The following TMEM132A variants were observed in gnomAD, a reference collection of about 807,000 sequenced individuals.
The protein encoded by TMEM132A is transmembrane protein 132A.
A neutral mutation model predicts 69.9 loss-of-function variants in TMEM132A; 48 were observed. The observed-to-expected ratio is 0.69, with a 90% CI of 0.55 to 0.87. TMEM132A has a LOEUF of 0.87. Among genes scored for constraint, TMEM132A ranks in the 40% least tolerant of loss-of-function variants. The pLI is 0.00. For missense variants in TMEM132A, 1,287 were observed against 1,407.2 expected, an observed-to-expected ratio of 0.91 and a Z score of 1.37; for synonymous variants, 577 against 613.7, an observed-to-expected ratio of 0.94 and a Z score of 0.88.
In TMEM132A at chr11:60,936,342, T is replaced by C. The variant is rs769069898; in HGVS notation, c.2507T>C (p.Met836Thr). ...REEEEEEEEE[M>T]VPAPQHVTEL... ...GAGGAGGAGGAAGAGGAGGAGGAGA[T>C]GGTCCCTGCCCCTCAGCATGTCACT... is the stretch of plus-strand genomic sequence containing the variant. Residue 836 changes from methionine to threonine, a missense_variant, in exon 11 of 11, where the codon ATG (methionine) becomes ACG (threonine). By Grantham distance (81) the Met-to-Thr change is moderately conservative (BLOSUM62 -1). Coordinates refer to ENST00000453848, the MANE Select transcript of TMEM132A (RefSeq NM_178031.3). The C allele has an allele frequency of 6.2e-6, 10 of 1,614,054 alleles. No individual in the cohort carries two copies. Among genetic ancestry groups the C allele is most frequent in the Middle Eastern group, 3.3e-4 (2 of 6,060 alleles).
rs949479943 is a variant in TMEM132A at position 60,935,128 on chromosome 11, C to T, written c.1837-124C>T. Reference sequence around the variant, plus strand: ...CGGTTCCCTCTGGGTGGGGGCTGTCCGTGGCGAAGACCTCCCCCACCTCCG... The same window carrying T: ...CGGTTCCCTCTGGGTGGGGGCTGTCTGTGGCGAAGACCTCCCCCACCTCCG... On this transcript the variant is annotated intron_variant, in intron 9 of 10. Transcript: ENST00000453848. This position sits in a 1 kb window ranked among gnomAD's most constrained non-coding sequence, Gnocchi z 5.0. 1.4e-5 allele frequency: 12 copies of T among 876,392 alleles called. 1 individual carries two copies. The highest frequency in any genetic ancestry group is 6.8e-5 in the African/African-American group (4 of 59,000). The allele number at this position is 876,392 out of a possible 1,614,324, so 54.3% of individuals were successfully genotyped here.
Position 60,933,709 on chromosome 11 carries a change from G to A in TMEM132A, c.1524G>A (p.Gln508=), listed in dbSNP as rs1173880829. The A allele has an allele frequency of 6.3e-7, 1 of 1,595,910 alleles. No individual in the cohort carries two copies. Among genetic ancestry groups the A allele is most frequent in the Non-Finnish European group, 8.5e-7 (1 of 1,172,896 alleles). ...RIELTDTTLE[Q]VRGWRVPGPA... Reference sequence around the variant, plus strand: ...AGCTCACCGACACCACCCTCGAGCAGGTCCGCGGCTGGAGGGTACCTGGCC... The same window carrying A: ...AGCTCACCGACACCACCCTCGAGCAAGTCCGCGGCTGGAGGGTACCTGGCC... Residue 508 remains glutamine, a synonymous_variant, in exon 8 of 11, where the codon CAG becomes CAA. Coordinates refer to ENST00000453848, the MANE Select transcript of TMEM132A (RefSeq NM_178031.3).
At chr11:60,928,093 A>C (rs886685364) in intron 3 of TMEM132A, among the ~76,000 whole-genome samples, 1 of 152,238 alleles carries the variant, frequency 6.6e-6, no homozygotes, top group African/African-American at 2.4e-5. Context: ...TCTGAGATTC[A>C]GTTTCCTCAT....
chr11:60,936,805 T>C lies in TMEM132A; in HGVS notation c.2970T>C (p.Leu990=). The C allele has an allele frequency of 6.2e-7, 1 of 1,613,334 alleles. No homozygotes were observed. The highest frequency in any genetic ancestry group is 8.5e-7 in the Non-Finnish European group (1 of 1,179,664). ...PVGAPAVQSI[L]VAGEEDIRWV... ...GGGCCCCTGCTGTGCAGTCCATCCT[T>C]GTGGCAGGCGAGGAGGACATCCGCT... is the stretch of plus-strand genomic sequence containing the variant. The change falls in exon 11 of 11, where the codon CTT becomes CTC. Residue 990 remains leucine (L), a synonymous_variant. Coordinates refer to ENST00000453848, the MANE Select transcript of TMEM132A (RefSeq NM_178031.3).
chr11:60,928,094 G>A (rs1856393632), intron 3 of TMEM132A, among the ~76,000 whole-genome samples: 1 of 152,208 alleles, frequency 6.6e-6, no homozygotes, highest in Non-Finnish European at 1.5e-5. Context: ...CTGAGATTCA[G>A]TTTCCTCATC....
At chr11:60,930,052 T>C (rs1449624588) in intron 4 of TMEM132A, among the ~76,000 whole-genome samples, 1 of 152,128 alleles carries the variant, frequency 6.6e-6, no homozygotes, top group Admixed American at 6.5e-5. Context: ...TGGAAAAGCT[T>C]TCTAAAGGAA....
rs1307663513 is a variant in TMEM132A at position 60,936,821 on chromosome 11, G to A, written c.2986G>A (p.Asp996Asn). The change falls in exon 11 of 11, where the codon GAC becomes AAC. Residue 996 changes from aspartate to asparagine, a missense_variant. Physicochemically the swap from Asp to Asn is conservative, Grantham distance 23. Transcript: ENST00000453848. ...VQSILVAGEEDIRWVCEDMGL... is the reference protein window; with the variant it reads ...VQSILVAGEENIRWVCEDMGL... ...GTCCATCCTTGTGGCAGGCGAGGAG[G>A]ACATCCGCTGGGTGTGTGAGGACAT... is the stretch of plus-strand genomic sequence containing the variant. 1 of 1,612,948 alleles carries A rather than the reference G, an allele frequency of 6.2e-7. No individual in the cohort carries two copies. The highest frequency in any genetic ancestry group is 1.7e-5 in the Admixed American group (1 of 59,780).
Position 60,924,733 on chromosome 11 carries a change from G to T in TMEM132A, c.100G>T (p.Val34Leu). 1 of 1,561,260 alleles carries T rather than the reference G, an allele frequency of 6.4e-7. No individual in the cohort carries two copies. Among genetic ancestry groups the T allele is most frequent in the Non-Finnish European group, 8.6e-7 (1 of 1,161,398 alleles). Reference protein sequence around the residue: ...LVALALDVVRVDCGQAPLDPV... With the variant: ...LVALALDVVRLDCGQAPLDPV... ...GGCCCTCGCCCTGGACGTCGTGAGA[G>T]GTCAGCGGGAGGGGAGGGCCGGGGC... The change falls in exon 1 of 11, where the codon GTG becomes TTG. Residue 34 changes from valine (V) to leucine (L), a missense_variant and splice_region_variant. Val to Leu is a conservative substitution (Grantham distance 32). Coordinates refer to ENST00000453848, the MANE Select transcript of TMEM132A (RefSeq NM_178031.3).
intron 7 of TMEM132A, 22 bp from the exon 8 acceptor site, chr11:60,933,520 C>A (rs897463091): frequency 2.1e-5 from 33 of 1,597,054 alleles, no homozygotes; most frequent in South Asian, 1.1e-4. Context: ...AGCCCGCCCA[C>A]CTGCCCTCTG....
rs761902925 is a variant in TMEM132A, at chr11:60,928,767, A to G, written c.673A>G (p.Asn225Asp). 13 of 1,609,058 alleles carry G rather than the reference A, an allele frequency of 8.1e-6. No individual in the cohort carries two copies. Among genetic ancestry groups the G allele is most frequent in the Non-Finnish European group, 1.1e-5 (13 of 1,178,354 alleles). The change falls in exon 4 of 11, where the codon AAC becomes GAC. Residue 225 changes from asparagine (N) to aspartate (D), a missense_variant. By Grantham distance (23) the Asn-to-Asp change is conservative (BLOSUM62 1). Transcript: ENST00000453848. ...TGGGGGCTGTGGCTCCGGCGAGGAG[A>G]ACGACCCTGGGGAGCAGGCCCTCCC... ...GPGGCGSGEENDPGEQALPVG... is the reference protein window; with the variant it reads ...GPGGCGSGEEDDPGEQALPVG...
intron 1 of TMEM132A, among the ~76,000 whole-genome samples, chr11:60,926,309 C>G (rs1262431201): frequency 1.3e-5 from 2 of 152,198 alleles, no homozygotes; most frequent in African/African-American, 4.8e-5. Context: ...CTCCTTCACT[C>G]TCCAGCTGTG....
Position 60,936,768 on chromosome 11 carries a change from A to T in TMEM132A, c.2933A>T (p.Glu978Val). Residue 978 changes from glutamate to valine, a missense_variant, in exon 11 of 11, where the codon GAG (glutamate) becomes GTG (valine). By Grantham distance (121) the Glu-to-Val change is moderately radical. Transcript: ENST00000453848. ...CCAGCCCCTCCAGCCCAGTCACCTG[A>T]GGAGCCTGTAGGGGCCCCTGCTGTG... ...FAPAPPAQSP[E>V]EPVGAPAVQS... The T allele has an allele frequency of 6.2e-7, 1 of 1,612,576 alleles. No homozygotes were observed. Among genetic ancestry groups the T allele is most frequent in the Non-Finnish European group, 8.5e-7 (1 of 1,179,484 alleles).
chr11:60,935,861 C>T lies in TMEM132A; in HGVS notation c.2029-3C>T. 1 of 1,611,360 alleles carries T rather than the reference C, an allele frequency of 6.2e-7. No individual in the cohort carries two copies. Among genetic ancestry groups the T allele is most frequent in the Non-Finnish European group, 8.5e-7 (1 of 1,179,658 alleles). On this transcript the variant is annotated splice_polypyrimidine_tract_variant and splice_region_variant and intron_variant, in intron 10 of 10. Coordinates refer to ENST00000453848, the MANE Select transcript of TMEM132A (RefSeq NM_178031.3). This position sits in a 1 kb window ranked among gnomAD's most constrained non-coding sequence, Gnocchi z 5.0. ...TCTCTGCCTGTGTCTGTGTGCCCCA[C>T]AGGAGGTGGCCCTCTCCCTATGGCT...
Position 60,934,574 on chromosome 11 carries a change from G to A in TMEM132A, c.1646G>A (p.Arg549His). The change falls in exon 9 of 11, where the codon CGC becomes CAC. Residue 549 changes from arginine to histidine, a missense_variant. By Grantham distance (29) the Arg-to-His change is conservative. Coordinates refer to ENST00000453848, the MANE Select transcript of TMEM132A (RefSeq NM_178031.3). ...CTGCAGTACCAGCGGGCCGGTGTGC[G>A]CTTCCTCGCCCCCTTCGCGGCCCAC... ...CHLQYQRAGV[R>H]FLAPFAAHPL... 3 of 1,544,650 alleles carry A rather than the reference G, an allele frequency of 1.9e-6. No homozygotes were observed. Among genetic ancestry groups the A allele is most frequent in the East Asian group, 4.8e-5 (2 of 41,654 alleles).
chr11:60,933,515 G>A (rs543356280), intron 7 of TMEM132A, 27 bp from the exon 8 acceptor site: 11 of 1,588,218 alleles, frequency 6.9e-6, no homozygotes, highest in South Asian at 1.1e-5. Flanking sequence ...GGCTTAGCCC[G>A]CCCACCTGCC....
At position 60,935,810 on chromosome 11, in the gene TMEM132A, T is replaced by C; in HGVS notation, c.2029-54T>C. ...CCTATCTCTGTGGGAGTGGTTTCTC[T>C]GTGCATGCGTGCGTGCCCTCGCATG... On this transcript the variant is annotated intron_variant, in intron 10 of 10. Transcript: ENST00000453848. The surrounding 1 kb of genome is among the most constrained non-coding windows in gnomAD (Gnocchi z 5.0). 1 of 1,582,422 alleles carries C rather than the reference T, an allele frequency of 6.3e-7. No individual in the cohort carries two copies. Among genetic ancestry groups the C allele is most frequent in the South Asian group, 1.2e-5 (1 of 86,482 alleles).
intron 1 of TMEM132A, among the ~76,000 whole-genome samples, chr11:60,926,343 C>T (rs485310): frequency 0.26 from 39,901 of 152,090 alleles, 5,876 homozygotes; most frequent in East Asian, 0.65. Context: ...ATACCTTAAC[C>T]TCTCGGCCTC....
intron 5 of TMEM132A, 37 bp downstream of exon 5, chr11:60,930,696 G>A (rs987371136): frequency 1.3e-6 from 2 of 1,582,652 alleles, no homozygotes; most frequent in African/African-American, 1.3e-5. Flanking sequence ...GCAAAGGAGG[G>A]AGGGCTGGTT....
rs751920555 is a variant in TMEM132A at position 60,936,941 on chromosome 11, G to A, written c.*34G>A. 3.3e-6 allele frequency: 5 copies of A among 1,495,314 alleles called. No homozygotes were observed. The highest frequency in any genetic ancestry group is 2.3e-5 in the East Asian group (1 of 43,344). 92.6% of individuals were successfully genotyped at this position (1,495,314 alleles called of 1,614,324 possible). On this transcript the variant is annotated 3_prime_UTR_variant, in exon 11 of 11. Transcript: ENST00000453848. ...AGCCACCTGGTCAGCCACCAGCTGGGGCAACGAGGGTGGAGGTCCCACTGA... is the reference window on the plus strand; with the variant it reads ...AGCCACCTGGTCAGCCACCAGCTGGAGCAACGAGGGTGGAGGTCCCACTGA...
Sources: gnomAD v4.1 joint callset for allele counts (sites outside exome capture counted in the v4.1 genomes callset) on GRCh38, gnomAD v4.1.1 for gene constraint, Gnocchi (gnomAD v3.1) non-coding constraint, MANE v1.5 for transcripts, NCBI Gene and HGNC (gene_info 2026-07-23, HGNC 2026-07-21) for gene names.